Variants in ABHD12 observed in about 807,000 individuals in gnomAD.
The protein encoded by ABHD12 is lysophosphatidylserine lipase ABHD12.
In ABHD12, 43 loss-of-function variants were observed where a neutral mutation model predicts 58.3. The observed-to-expected ratio is 0.74, with a 90% confidence interval of 0.58 to 0.95. The LOEUF (loss-of-function observed/expected upper bound fraction) is 0.95. ABHD12 is among the 40% of genes least tolerant of loss of function. The probability of loss-of-function intolerance (pLI) is 0.00; values close to 1 mark genes in which losing one functional copy is unlikely to be tolerated. For missense variants in ABHD12, 539 were observed against 537.2 expected (o/e 1.00, Z -0.03); for synonymous variants, 219 against 211.2 (o/e 1.04, Z -0.32).
At chr20:25,313,628 T>TAAAATAAAATA (rs1449400134) in intron 6 of ABHD12, among the ~76,000 whole-genome samples, 1 of 150,424 alleles carries the variant, frequency 6.6e-6, no homozygotes, top group African/African-American at 2.4e-5. Context: ...TAAAATAAAA[T>TAAAATAAAATA]AACATTAGCC....
At chr20:25,315,105 A>G in intron 5 of ABHD12, 135 bp from the exon 6 acceptor site, 2 of 914,362 alleles carry the variant, frequency 2.2e-6, no homozygotes, top group Non-Finnish European at 1.8e-6. Context: ...AGACTGTGAC[A>G]TGCTGCCTGA....
intron 1 of ABHD12, among the ~76,000 whole-genome samples, chr20:25,352,494 TG>T (rs1327652016): frequency 6.6e-6 from 1 of 152,110 alleles, no homozygotes; most frequent in African/African-American, 2.4e-5. Flanking sequence ...TTCACCATGT[TG>T]GCCAGGCTGG....
Position 25,371,505 on chromosome 20 carries a change from T to G in ABHD12, c.191+19008A>C, listed in dbSNP as rs558358412. Among the ~76,000 whole-genome samples the G allele has an allele frequency of 3.2e-4, 48 of 152,310 alleles. No homozygotes were observed. The South Asian group carries it at 9.7e-3, about 31-fold the overall frequency. On this transcript the variant is annotated intron_variant, in intron 1 of 12. Coordinates refer to ENST00000339157, the MANE Select transcript of ABHD12 (RefSeq NM_001042472.3). Reference sequence around the variant, plus strand: ...TTCCTCCCAACATAACCCTCCCCGCTTCCTGACACTCCCCAAAGAACTGGT... The same window carrying G: ...TTCCTCCCAACATAACCCTCCCCGCGTCCTGACACTCCCCAAAGAACTGGT...
At chr20:25,309,251 G>A (rs1248509721) in intron 7 of ABHD12, among the ~76,000 whole-genome samples, 195 bp downstream of exon 7, 3 of 152,130 alleles carry the variant, frequency 2.0e-5, no homozygotes, top group East Asian at 3.9e-4. Flanking sequence ...GCCACTTCCT[G>A]GACGAGGAGC....
chr20:25,308,115 T>A, intron 8 of ABHD12, 70 bp from the exon 9 acceptor site: 2 of 1,116,956 alleles, frequency 1.8e-6, no homozygotes, highest in East Asian at 2.3e-5. Context: ...TGTGGGGCTC[T>A]GAGGGGCCCC....
chr20:25,343,770 G>C lies in ABHD12; in HGVS notation c.192-4419C>G, dbSNP rs144214595. On this transcript the variant is annotated intron_variant, in intron 1 of 12. Transcript: ENST00000339157. Reference sequence around the variant, plus strand: ...AGATCGCACCACTGCACTCCAGCCTGAGCAACAAAGGAAGACTCTGTGTCA... The same window carrying C: ...AGATCGCACCACTGCACTCCAGCCTCAGCAACAAAGGAAGACTCTGTGTCA... 3.7e-3 allele frequency among the ~76,000 whole-genome samples: 561 copies of C among 152,220 alleles called. 2 individuals are homozygous for C. Among genetic ancestry groups the C allele is most frequent in the Non-Finnish European group, 6.9e-3 (468 of 68,020 alleles).
chr20:25,331,335 T>C (rs1019930386), intron 2 of ABHD12, among the ~76,000 whole-genome samples: 1 of 152,188 alleles, frequency 6.6e-6, no homozygotes, highest in African/African-American at 2.4e-5. Flanking sequence ...CTGATTGGTG[T>C]ACCTGAAAGT....
chr20:25,300,686 G>C lies in ABHD12; in HGVS notation c.*159C>G. The C allele has an allele frequency of 6.5e-7, 1 of 1,534,068 alleles. No homozygotes were observed. Among genetic ancestry groups the C allele is most frequent in the Non-Finnish European group, 8.7e-7 (1 of 1,144,446 alleles). On this transcript the variant is annotated 3_prime_UTR_variant, in exon 13 of 13. Transcript: ENST00000339157. ...GGCCTCCGGGCACTGCAGGCCTGCA[G>C]GGGCCTCCCCGCCTGGGATCTGAGG...
intron 1 of ABHD12, among the ~76,000 whole-genome samples, chr20:25,354,282 T>C (rs983274443): frequency 1.3e-5 from 2 of 151,704 alleles, no homozygotes; most frequent in African/African-American, 2.4e-5. Context: ...AGTTCACAGG[T>C]GTAGCGGCAG....
chr20:25,390,618 G>A lies in ABHD12; in HGVS notation c.86C>T (p.Ala29Val). ...GSSSSGSAAA[A>V]LDADCRLKQN... is the part of the protein sequence containing the mutation. ...CTTCAGGCGGCAGTCGGCGTCCAGC[G>A]CCGCGGCGGCCGAGCCGGAGGAGGA... The change falls in exon 1 of 13, where the codon GCG (alanine) becomes GTG (valine). Residue 29 changes from alanine to valine, a missense_variant. Transcript: ENST00000339157. 12 of 1,461,388 alleles carry A rather than the reference G, an allele frequency of 8.2e-6. No homozygotes were observed. Among genetic ancestry groups the A allele is most frequent in the African/African-American group, 1.5e-5 (1 of 67,744 alleles). 90.5% of individuals were successfully genotyped at this position (1,461,388 alleles called of 1,614,324 possible). A position where few individuals can be genotyped will look rare whatever the true frequency, so the allele number is the denominator to read the frequency against.
At chr20:25,323,498 T>C in intron 2 of ABHD12, 68 bp from the exon 3 acceptor site, 1 of 990,456 alleles carries the variant, frequency 1.0e-6, no homozygotes, top group Non-Finnish European at 1.6e-6. Flanking sequence ...CACACAAACA[T>C]GCATACTCAC....
chr20:25,307,803 C>A (rs575909094), intron 9 of ABHD12, among the ~76,000 whole-genome samples, 163 bp downstream of exon 9: 11 of 152,372 alleles, frequency 7.2e-5, no homozygotes, highest in Non-Finnish European at 1.2e-4. Flanking sequence ...ACTTCTTGGG[C>A]AGCTCTGTGG....
At chr20:25,368,643 G>A (rs560217145) in intron 1 of ABHD12, 21 of 1,372,410 alleles carry the variant, frequency 1.5e-5, no homozygotes, top group African/African-American at 1.1e-4. Flanking sequence ...ATCCTTTCTC[G>A]CCAGTGCTCA....
chr20:25,326,069 C>CAA (rs1339542161), intron 2 of ABHD12, among the ~76,000 whole-genome samples: 1 of 52,502 alleles, frequency 1.9e-5, no homozygotes, highest in Non-Finnish European at 3.7e-5. Flanking sequence ...AGACTCTGTC[C>CAA]AAAAAAAAAA....
At chr20:25,303,751 T>C (rs2088684077) in intron 10 of ABHD12, 123 bp from the exon 11 acceptor site, 1 of 1,390,374 alleles carries the variant, frequency 7.2e-7, no homozygotes, top group Admixed American at 2.0e-5. Context: ...TTCTGCTGGA[T>C]TTCTTTTTAC....
chr20:25,320,448 G>T, intron 3 of ABHD12, 130 bp from the exon 4 acceptor site: 2 of 1,241,866 alleles, frequency 1.6e-6, no homozygotes, highest in Non-Finnish European at 2.3e-6. Context: ...TCTAACTACA[G>T]GGGAACAGAT....
At chr20:25,359,365 A>G (rs1600849804) in intron 1 of ABHD12, among the ~76,000 whole-genome samples, 2 of 139,876 alleles carry the variant, frequency 1.4e-5, no homozygotes, top group East Asian at 5.4e-4. Context: ...CGGAGCTTGC[A>G]GTGAGCCGAG....
At chr20:25,307,626 T>C (rs1285876045) in intron 9 of ABHD12, among the ~76,000 whole-genome samples, 3 of 152,234 alleles carry the variant, frequency 2.0e-5, no homozygotes, top group Admixed American at 2.0e-4. Flanking sequence ...CCCCAAGCAC[T>C]GTCTCATACA....
rs148752889 is a variant in ABHD12, at chr20:25,343,843, T to C, written c.192-4492A>G. The stretch of plus-strand genomic sequence containing the variant: ...TAAAGAAAACTAAAGACCCATATTC[T>C]CATGAACATAAATGCAAAAATCCTC... On this transcript the variant is annotated intron_variant, in intron 1 of 12. Transcript: ENST00000339157. Among the ~76,000 whole-genome samples the C allele has an allele frequency of 1.9e-3, 283 of 152,220 alleles. 3 individuals carry two copies. The highest frequency in any genetic ancestry group is 0.012 in the East Asian group (62 of 5,190).
Sources: allele counts gnomAD v4.1 joint callset (sites outside exome capture counted in the v4.1 genomes callset), GRCh38; gene constraint gnomAD v4.1.1; transcripts MANE v1.5; gene names NCBI Gene and HGNC (gene_info 2026-07-23, HGNC 2026-07-21).